The following COL15A1 variants were observed in gnomAD, a reference collection of about 807,000 sequenced individuals.
COL15A1 encodes the protein collagen alpha-1(XV) chain.
COL15A1 carries 111 observed loss-of-function variants against 165.9 expected under a neutral mutation model. The ratio of observed to expected loss-of-function variants is 0.67; its 90% CI spans 0.57 to 0.78. COL15A1 has a LOEUF of 0.78. Among genes scored for constraint, COL15A1 ranks in the 30% least tolerant of loss-of-function variants. The pLI is 0.00. For synonymous variants in COL15A1, 659 were observed against 674.8 expected, an observed-to-expected ratio of 0.98 and a Z score of 0.36; for missense variants, 1,745 against 1,789.7, an observed-to-expected ratio of 0.98 and a Z score of 0.45.
At position 99,047,793 on chromosome 9, in the gene COL15A1, A is replaced by G. The variant is rs150311436; in HGVS notation, c.2687A>G (p.Lys896Arg). 8 of 1,613,808 alleles carry G rather than the reference A, an allele frequency of 5.0e-6. No individual in the cohort carries two copies. The African/African-American group carries it at 9.4e-5, about 19-fold the overall frequency. Reference sequence around the variant, plus strand: ...CATTTGTTTTGCCTCTAGGGGCCCAAAGGACCACCAGGACATAAAGGAGAA... The same window carrying G: ...CATTTGTTTTGCCTCTAGGGGCCCAGAGGACCACCAGGACATAAAGGAGAA... Reference protein sequence around the residue: ...MHGAPGPMGPKGPPGHKGEFG... With the variant: ...MHGAPGPMGPRGPPGHKGEFG... The change falls in exon 27 of 42, where the codon AAA becomes AGA. Residue 896 changes from lysine to arginine, a missense_variant. Transcript: ENST00000375001.
intron 2 of COL15A1, among the ~76,000 whole-genome samples, chr9:98,947,238 A>T (rs1181515033): frequency 6.6e-6 from 1 of 152,248 alleles, no homozygotes; most frequent in Non-Finnish European, 1.5e-5. Flanking sequence ...GTATTGATCA[A>T]TGCTACAACA....
intron 6 of COL15A1, 26 bp downstream of exon 6, chr9:98,997,107 T>TA (rs1420370648): frequency 6.2e-7 from 1 of 1,613,216 alleles, no homozygotes; most frequent in African/African-American, 1.3e-5. Flanking sequence ...CATGCCTACG[T>TA]AGTGGCCTTT....
chr9:99,003,584 T>C lies in COL15A1; in HGVS notation c.1197T>C (p.Thr399=). Residue 399 remains threonine (T), a synonymous_variant, in exon 8 of 42, where the codon ACT becomes ACC. Coordinates refer to ENST00000375001, the MANE Select transcript of COL15A1 (RefSeq NM_001855.5). Reference sequence around the variant, plus strand: ...CGGAGAACCCAGAGGAAGGGGTCACTCCAGTAAGTAGCTCAGAGCGCAAGC... The same window carrying C: ...CGGAGAACCCAGAGGAAGGGGTCACCCCAGTAAGTAGCTCAGAGCGCAAGC... ...MSTENPEEGV[T]PGPDNEERLA... The C allele has an allele frequency of 6.6e-7, 1 of 1,504,312 alleles. No homozygotes were observed. The highest frequency in any genetic ancestry group is 8.9e-7 in the Non-Finnish European group (1 of 1,125,070). The allele number at this position is 1,504,312 out of a possible 1,614,324, so 93.2% of individuals were successfully genotyped here.
At chr9:99,017,157 G>A (rs4743308) in intron 11 of COL15A1, among the ~76,000 whole-genome samples, 61,831 of 152,150 alleles carry the variant, frequency 0.41, 13,649 homozygotes, top group East Asian at 0.68. Context: ...GCGGCAGGAA[G>A]TAAGCCATCT....
intron 6 of COL15A1, 82 bp downstream of exon 6, chr9:98,997,163 T>A: frequency 6.6e-7 from 1 of 1,524,778 alleles, no homozygotes. Flanking sequence ...GTATGTAACA[T>A]ACAGAATCTC....
intron 8 of COL15A1, among the ~76,000 whole-genome samples, chr9:99,004,183 G>A (rs534112162): frequency 7.9e-5 from 12 of 152,324 alleles, no homozygotes; most frequent in African/African-American, 2.9e-4. Context: ...AAGAAACAAG[G>A]AATGGATGTA....
intron 26 of COL15A1, 74 bp from the exon 27 acceptor site, chr9:99,047,712 C>A: frequency 6.7e-7 from 1 of 1,485,082 alleles, no homozygotes; most frequent in Non-Finnish European, 9.4e-7. Flanking sequence ...CCTGCAAAAG[C>A]GGGCTTGCAC....
At chr9:98,989,092 T>G in intron 4 of COL15A1, 86 bp from the exon 5 acceptor site, 2 of 980,286 alleles carry the variant, frequency 2.0e-6, no homozygotes, top group Non-Finnish European at 3.3e-6. Context: ...AGTCGGTTTG[T>G]CAGTTTCTGT....
At chr9:99,049,501 A>G (rs7026229) in intron 28 of COL15A1, among the ~76,000 whole-genome samples, 189 bp from the exon 29 acceptor site, 6,680 of 152,242 alleles carry the variant, frequency 0.044, 498 homozygotes, top group African/African-American at 0.15. Context: ...CATCTTCCCT[A>G]TGGTTTGTTG....
rs1839550670 is a variant in COL15A1 at position 99,049,689 on chromosome 9, G to A, written c.2794-1G>A. 1 of 1,612,930 alleles carries A rather than the reference G, an allele frequency of 6.2e-7. No individual in the cohort carries two copies. Among genetic ancestry groups the A allele is most frequent in the African/African-American group, 1.3e-5 (1 of 74,900 alleles). ...GGAATGGCCTTTTTTTCTTCCTTCA[G>A]GGCCCACCTGGCTTACCTGGCCCTC... On this transcript the variant is annotated splice_acceptor_variant, in intron 28 of 41. Coordinates refer to ENST00000375001, the MANE Select transcript of COL15A1 (RefSeq NM_001855.5). LOFTEE classifies it high-confidence loss of function.
At position 99,070,685 on chromosome 9, in the gene COL15A1, A is replaced by G. The variant is rs1266032799; in HGVS notation, c.*799A>G. ...AACTGCGACTGAAACAAACAGGTTC[A>G]TAGAGATGAATTTTCTGAGAAACAT... On this transcript the variant is annotated 3_prime_UTR_variant, in exon 42 of 42. Transcript: ENST00000375001. The G allele has an allele frequency of 1.1e-5, 5 of 440,600 alleles. No homozygotes were observed. Among genetic ancestry groups the G allele is most frequent in the African/African-American group, 1.0e-4 (5 of 49,274 alleles). The allele number at this position is 440,600 out of a possible 1,614,324, so 27.3% of individuals were successfully genotyped here.
intron 35 of COL15A1, 102 bp downstream of exon 35, chr9:99,056,506 G>A: frequency 6.9e-7 from 1 of 1,456,962 alleles, no homozygotes; most frequent in South Asian, 1.4e-5. Context: ...CTAACAGAGG[G>A]CTTTCCTGGA....
chr9:98,998,187 A>G (rs1838581458), intron 6 of COL15A1, among the ~76,000 whole-genome samples: 1 of 152,254 alleles, frequency 6.6e-6, no homozygotes, highest in Admixed American at 6.5e-5. Flanking sequence ...TCAAAATGTT[A>G]TAAGCAGTTA....
intron 2 of COL15A1, among the ~76,000 whole-genome samples, chr9:98,983,270 T>G (rs1319683127): frequency 6.6e-6 from 1 of 152,146 alleles, no homozygotes; most frequent in Admixed American, 6.5e-5. Flanking sequence ...TACCCATTCA[T>G]GGGAAGTTTG....
intron 14 of COL15A1, 132 bp downstream of exon 14, chr9:99,023,581 G>A (rs1839063890): frequency 1.7e-6 from 1 of 577,220 alleles, no homozygotes; most frequent in Admixed American, 2.9e-5. Context: ...TGAGCTCATG[G>A]GGGTTCATTC....
chr9:98,973,426 G>A lies in COL15A1; in HGVS notation c.101-12139G>A, dbSNP rs981153150. Among the ~76,000 whole-genome samples, 5 of 152,242 alleles carry A rather than the reference G, an allele frequency of 3.3e-5. No homozygotes were observed. The East Asian group carries it at 9.6e-4, about 29-fold the overall frequency. ...GGGTCTTTGATTGTGGCCGAGCCAGGTCTACTTTCTAAGTTGATCCAGGAT... is the reference window on the plus strand; with the variant it reads ...GGGTCTTTGATTGTGGCCGAGCCAGATCTACTTTCTAAGTTGATCCAGGAT... On this transcript the variant is annotated intron_variant, in intron 2 of 41. Coordinates refer to ENST00000375001, the MANE Select transcript of COL15A1 (RefSeq NM_001855.5).
chr9:99,057,084 A>G (rs900141532), intron 35 of COL15A1, among the ~76,000 whole-genome samples: 1 of 152,212 alleles, frequency 6.6e-6, no homozygotes, highest in Non-Finnish European at 1.5e-5. Flanking sequence ...GCTGGGTCAT[A>G]TGGTAACTCT....
At chr9:99,040,766 G>A in intron 23 of COL15A1, 3 of 802,018 alleles carry the variant, frequency 3.7e-6, no homozygotes, top group Non-Finnish European at 5.7e-6. Flanking sequence ...AAATCCATCT[G>A]CGTCAGCCTC....
rs201153263 is a variant in COL15A1 at position 99,055,354 on chromosome 9, C to G, written c.3174C>G (p.Pro1058=). ...SFLMSGPPGL[P]GNPGPAGQKG... ...TTATGTCTGGGCCTCCAGGCCTGCC[C>G]GGAAATCCAGGCCCGGCTGTGAGTA... Residue 1058 remains proline (P), a synonymous_variant, in exon 34 of 42, where the codon CCC becomes CCG. Transcript: ENST00000375001. 1.7e-5 allele frequency: 28 copies of G among 1,611,830 alleles called. No individual in the cohort carries two copies. The East Asian group carries it at 6.2e-4, about 36-fold the overall frequency.
Sources: gnomAD v4.1 joint callset for allele counts (sites outside exome capture counted in the v4.1 genomes callset) on GRCh38, gnomAD v4.1.1 for gene constraint, MANE v1.5 for transcripts, NCBI Gene and HGNC (gene_info 2026-07-23, HGNC 2026-07-21) for gene names.